BCL2: variants seen among roughly 807,000 people sequenced by gnomAD.
BCL2 encodes the protein BCL2 apoptosis regulator.
Under a neutral mutation model 14.2 loss-of-function variants are expected in BCL2, and 1 was observed. The ratio of observed to expected loss-of-function variants is 0.07; its 90% CI spans 0.02 to 0.33. The LOEUF (loss-of-function observed/expected upper bound fraction) is 0.33. Ranked by LOEUF, BCL2 falls within the 10% of genes least tolerant of loss-of-function variation. The pLI, the probability that BCL2 is intolerant of heterozygous loss-of-function variation, is 0.99. For missense variants in BCL2, 247 were observed against 305.9 expected (o/e 0.81, Z 1.44); for synonymous variants, 151 against 137.2 (o/e 1.10, Z -0.70).
intron 2 of BCL2, among the ~76,000 whole-genome samples, chr18:63,270,880 C>T (rs116617362): frequency 0.01 from 1,519 of 151,782 alleles, 20 homozygotes; most frequent in African/African-American, 0.034. Flanking sequence ...TACGGTGGTG[C>T]GATCTCAGCT....
intron 2 of BCL2, among the ~76,000 whole-genome samples, chr18:63,232,018 A>G (rs1184466776): frequency 6.6e-6 from 1 of 152,180 alleles, no homozygotes; most frequent in South Asian, 2.1e-4. Flanking sequence ...AGCCCCACAC[A>G]TGTGGGAATT....
chr18:63,293,085 C>A (rs569824672), intron 2 of BCL2, among the ~76,000 whole-genome samples: 1 of 152,180 alleles, frequency 6.6e-6, no homozygotes, highest in East Asian at 1.9e-4. Context: ...GACGACCTCA[C>A]CCCTGGCTGG....
chr18:63,302,305 A>C (rs1912985449), intron 2 of BCL2: 1 of 976,700 alleles, frequency 1.0e-6, no homozygotes, highest in African/African-American at 1.8e-5. Context: ...CCTTCTCAAA[A>C]AAAAAAAAAA....
At chr18:63,147,966 T>C (rs561130311) in intron 2 of BCL2, among the ~76,000 whole-genome samples, 2 of 152,308 alleles carry the variant, frequency 1.3e-5, no homozygotes, top group East Asian at 3.9e-4. Context: ...ATTTAAGTCT[T>C]TTCTCAGAAT....
At chr18:63,167,250 T>TTCATCTATCATGAATA (rs1456197888) in intron 2 of BCL2, among the ~76,000 whole-genome samples, 5 of 152,228 alleles carry the variant, frequency 3.3e-5, no homozygotes, top group Admixed American at 3.3e-4. Context: ...CATCTATCTA[T>TTCATCTATCATGAATA]TCATCTATCA....
At chr18:63,213,813 C>A (rs556436186) in intron 2 of BCL2, among the ~76,000 whole-genome samples, 1 of 152,200 alleles carries the variant, frequency 6.6e-6, no homozygotes, top group Admixed American at 6.5e-5. Flanking sequence ...TTTCTCAGAG[C>A]GGGCTGGTCA....
At position 63,128,526 on chromosome 18, in the gene BCL2, G is replaced by A; in HGVS notation, c.*99C>T. 4 of 693,842 alleles carry A rather than the reference G, an allele frequency of 5.8e-6. No individual in the cohort carries two copies. Among genetic ancestry groups the A allele is most frequent in the Non-Finnish European group, 8.1e-6 (3 of 372,648 alleles). 43.0% of individuals were successfully genotyped at this position (693,842 alleles called of 1,614,324 possible). The stretch of plus-strand genomic sequence containing the variant: ...TATGTGTGTTATTTTTTCTTAAACA[G>A]CCTGCAGCTTTGTTTCATGGTACAT... On this transcript the variant is annotated 3_prime_UTR_variant, in exon 3 of 3. Coordinates refer to ENST00000333681, the MANE Select transcript of BCL2 (RefSeq NM_000633.3).
chr18:63,146,330 G>A (rs1470186420), intron 2 of BCL2, among the ~76,000 whole-genome samples: 1 of 152,238 alleles, frequency 6.6e-6, no homozygotes, highest in Non-Finnish European at 1.5e-5. Flanking sequence ...CTTCCAGCCC[G>A]CCTCCTGGCA....
At chr18:63,167,989 G>A (rs777034548) in intron 2 of BCL2, among the ~76,000 whole-genome samples, 20 of 148,826 alleles carry the variant, frequency 1.3e-4, no homozygotes, top group Non-Finnish European at 2.5e-4. Flanking sequence ...CTTGAGCCCG[G>A]GAGTTTGTGG....
chr18:63,231,847 A>T (rs1910696036), intron 2 of BCL2, among the ~76,000 whole-genome samples: 1 of 152,130 alleles, frequency 6.6e-6, no homozygotes, highest in Non-Finnish European at 1.5e-5. Context: ...CCGGTTTTAA[A>T]ATTGTGGTCC....
chr18:63,311,526 G>A (rs1287973163), intron 2 of BCL2, among the ~76,000 whole-genome samples: 1 of 152,198 alleles, frequency 6.6e-6, no homozygotes, highest in Non-Finnish European at 1.5e-5. Context: ...GACACAGTGG[G>A]TTCTCGGGTT....
At chr18:63,262,616 T>C (rs1403317472) in intron 2 of BCL2, among the ~76,000 whole-genome samples, 2 of 152,114 alleles carry the variant, frequency 1.3e-5, no homozygotes, top group Admixed American at 6.6e-5. Flanking sequence ...ATTGGGTACC[T>C]TTGCTCCGAC....
chr18:63,198,232 A>C (rs1161010678), intron 2 of BCL2, among the ~76,000 whole-genome samples: 3 of 151,730 alleles, frequency 2.0e-5, no homozygotes, highest in Non-Finnish European at 4.4e-5. Flanking sequence ...ACACACAGAC[A>C]CACACTGACA....
At chr18:63,151,609 C>G (rs1914653861) in intron 2 of BCL2, among the ~76,000 whole-genome samples, 1 of 152,064 alleles carries the variant, frequency 6.6e-6, no homozygotes, top group East Asian at 1.9e-4. Flanking sequence ...GGTTTCAAAA[C>G]AAAATCTCAT....
intron 2 of BCL2, among the ~76,000 whole-genome samples, chr18:63,211,052 T>A (rs1909985042): frequency 7.3e-6 from 1 of 137,230 alleles, no homozygotes; most frequent in Admixed American, 8.0e-5. Context: ...CCCATCTTTT[T>A]CTTTTCATTT....
At chr18:63,208,117 G>T (rs1325988298) in intron 2 of BCL2, 1 of 152,134 alleles carries the variant, frequency 6.6e-6, no homozygotes, top group Non-Finnish European at 1.5e-5. Context: ...CAAGTTGAGA[G>T]GCCACCTGTT....
At chr18:63,239,278 C>G (rs1252568325) in intron 2 of BCL2, among the ~76,000 whole-genome samples, 2 of 152,174 alleles carry the variant, frequency 1.3e-5, no homozygotes, top group Non-Finnish European at 2.9e-5. Context: ...CTGCTGGAAG[C>G]AAAATGGAAG....
intron 2 of BCL2, among the ~76,000 whole-genome samples, chr18:63,174,826 A>T (rs1915316136): frequency 6.6e-6 from 1 of 151,736 alleles, no homozygotes. Context: ...GTCTCAAAAA[A>T]AAAAAAAAAA....
Position 63,142,533 on chromosome 18 carries a change from C to T in BCL2, c.586-13774G>A, listed in dbSNP as rs147106387. ...GAAACTTCACAGCCTGCTTACATCCCACTCAAAAGCACCCCAACGTATAAT... is the reference window on the plus strand; with the variant it reads ...GAAACTTCACAGCCTGCTTACATCCTACTCAAAAGCACCCCAACGTATAAT... On this transcript the variant is annotated intron_variant, in intron 2 of 2. Coordinates refer to ENST00000333681, the MANE Select transcript of BCL2 (RefSeq NM_000633.3). 3.8e-3 allele frequency among the ~76,000 whole-genome samples: 583 copies of T among 152,314 alleles called. 3 individuals are homozygous for T. The highest frequency in any genetic ancestry group is 0.013 in the African/African-American group (537 of 41,556).
Sources: allele counts gnomAD v4.1 joint callset (sites outside exome capture counted in the v4.1 genomes callset), GRCh38; gene constraint gnomAD v4.1.1; transcripts MANE v1.5; gene names NCBI Gene and HGNC (gene_info 2026-07-23, HGNC 2026-07-21).